Variants in OR2L13 observed in about 807,000 individuals in gnomAD.
OR2L13 encodes olfactory receptor 2L13.
In OR2L13, 14 loss-of-function variants were observed where a neutral mutation model predicts 15.3. The observed-to-expected ratio is 0.91, with a 90% CI of 0.60 to 1.43. OR2L13 has a LOEUF of 1.43. Among genes scored for constraint, OR2L13 ranks in the 40% most tolerant of loss-of-function variants. The pLI is 0.00. For synonymous variants in OR2L13, 152 were observed against 142.9 expected (o/e 1.06, Z -0.45); for missense variants, 367 against 387.9 (o/e 0.95, Z 0.45).
the OR2L13 span, among the ~76,000 whole-genome samples, chr1:247,981,148 G>A: frequency 2.0e-5 from 3 of 152,222 alleles, no homozygotes; most frequent in South Asian, 6.2e-4. Context: ...GTGTTTTCTG[G>A]ATGGGAAGCT....
At chr1:248,004,429 A>G in the OR2L13 span, among the ~76,000 whole-genome samples, 1 of 152,206 alleles carries the variant, frequency 6.6e-6, no homozygotes, top group African/African-American at 2.4e-5. Flanking sequence ...TTAAATTTAC[A>G]TTTTTGTTTA....
chr1:248,089,340 C>G, the OR2L13 span, among the ~76,000 whole-genome samples: 5 of 152,040 alleles, frequency 3.3e-5, no homozygotes, highest in East Asian at 3.9e-4. Context: ...CTCCCTGAAC[C>G]CTGTCATTAT....
the OR2L13 span, among the ~76,000 whole-genome samples, chr1:248,066,110 C>T: frequency 6.6e-6 from 1 of 152,158 alleles, no homozygotes; most frequent in Non-Finnish European, 1.5e-5. Context: ...GAATGTATGG[C>T]TTTGAGCCAG....
the OR2L13 span, among the ~76,000 whole-genome samples, chr1:248,000,123 G>GTGTGTGTGT: frequency 4.7e-3 from 647 of 138,284 alleles, 5 homozygotes; most frequent in African/African-American, 0.015. Flanking sequence ...TTTTTTTTTT[G>GTGTGTGTGT]GTGTGTGTGT....
At chr1:247,971,325 T>C in the OR2L13 span, among the ~76,000 whole-genome samples, 134,810 of 152,140 alleles carry the variant, frequency 0.89, 60,250 homozygotes, top group South Asian at 0.97. Context: ...TGGCAGGTCC[T>C]TGCAGTACTT....
exon 3 of OR2L13, chr1:248,099,813 C>T: frequency 1.9e-6 from 3 of 1,614,102 alleles, no homozygotes; most frequent in Non-Finnish European, 2.5e-6. Context: ...TGATTGGAGG[C>T]TCTTGGACAC....
the OR2L13 span, chr1:248,022,003 C>A: frequency 5.0e-6 from 8 of 1,613,692 alleles, no homozygotes; most frequent in Admixed American, 1.7e-5. Flanking sequence ...CTGTTCCCAC[C>A]ATCAAAAATT....
At chr1:248,090,607 G>A (rs927478196), upstream of OR2L13, among the ~76,000 whole-genome samples, 1 of 152,152 alleles carries the variant, frequency 6.6e-6, no homozygotes, top group Non-Finnish European at 1.5e-5. Context: ...TTGCTGCAAA[G>A]GACATTATCT....
the OR2L13 span, among the ~76,000 whole-genome samples, chr1:248,086,317 A>G: frequency 6.6e-6 from 1 of 152,172 alleles, no homozygotes; most frequent in Non-Finnish European, 1.5e-5. Context: ...TTCAGAATTG[A>G]ATTCTCTTCT....
the OR2L13 span, among the ~76,000 whole-genome samples, chr1:247,980,218 T>C: frequency 1.3e-5 from 2 of 152,144 alleles, no homozygotes; most frequent in Non-Finnish European, 2.9e-5. Context: ...ATTTTTATCA[T>C]CAATTTTAAT....
chr1:248,018,244 G>A, the OR2L13 span, among the ~76,000 whole-genome samples: 543 of 152,056 alleles, frequency 3.6e-3, 1 homozygote, highest in African/African-American at 0.012. Context: ...CTGATGTGCC[G>A]TCTATTATTC....
chr1:248,044,015 A>T, the OR2L13 span, among the ~76,000 whole-genome samples: 2 of 152,212 alleles, frequency 1.3e-5, no homozygotes, highest in Admixed American at 1.3e-4. Flanking sequence ...AAACATTGTC[A>T]ATCTGTTTCC....
the OR2L13 span, chr1:248,061,540 A>G: frequency 1.9e-6 from 3 of 1,613,716 alleles, no homozygotes; most frequent in East Asian, 2.2e-5. Context: ...GCTCAACCCC[A>G]TCATCTATAG....
the OR2L13 span, chr1:247,990,656 A>G: frequency 6.5e-7 from 1 of 1,528,230 alleles, no homozygotes; most frequent in African/African-American, 1.4e-5. Flanking sequence ...TTTCCTCTCC[A>G]CTATCCCATC....
At chr1:247,968,893 A>T in the OR2L13 span, among the ~76,000 whole-genome samples, 4 of 152,112 alleles carry the variant, frequency 2.6e-5, no homozygotes, top group Admixed American at 2.6e-4. Flanking sequence ...TGGTATTTCT[A>T]GTTCTAGATC....
At chr1:248,027,639 A>G in the OR2L13 span, among the ~76,000 whole-genome samples, 1 of 152,154 alleles carries the variant, frequency 6.6e-6, no homozygotes, top group Non-Finnish European at 1.5e-5. Flanking sequence ...AAAAGGACCC[A>G]TGTGAAATAT....
chr1:247,994,192 C>G, the OR2L13 span, among the ~76,000 whole-genome samples: 8 of 152,030 alleles, frequency 5.3e-5, no homozygotes, highest in East Asian at 3.9e-4. Flanking sequence ...GTCAGGAGAT[C>G]GAGACCATCC....
the OR2L13 span, among the ~76,000 whole-genome samples, chr1:247,944,585 T>C: frequency 6.6e-5 from 10 of 152,308 alleles, no homozygotes; most frequent in Non-Finnish European, 1.3e-4. Context: ...TGCATTAGTT[T>C]GCTGAGGATA....
the OR2L13 span, among the ~76,000 whole-genome samples, chr1:247,957,453 T>C: frequency 0.8 from 121,387 of 152,038 alleles, 52,648 homozygotes; most frequent in South Asian, 0.95. Flanking sequence ...TGATGCTGGC[T>C]TCATAAAATG....
Sources: allele counts gnomAD v4.1 joint callset (sites outside exome capture counted in the v4.1 genomes callset), GRCh38; gene constraint gnomAD v4.1.1; transcripts MANE v1.5; gene names NCBI Gene and HGNC (gene_info 2026-07-23, HGNC 2026-07-21).